Variants in HTR1E observed in about 807,000 individuals in gnomAD.
HTR1E encodes the protein 5-hydroxytryptamine receptor 1E.
A neutral mutation model predicts 3.4 loss-of-function variants in HTR1E; 3 were observed. The observed-to-expected ratio is 0.89, with a 90% confidence interval of 0.41 to 2.31. The LOEUF is 2.31. Among genes scored for constraint, HTR1E ranks in the 30% most tolerant of loss-of-function variants. The pLI, the probability that HTR1E is intolerant of heterozygous loss-of-function variation, is 0.05. For missense variants in HTR1E, 392 were observed against 467.0 expected (o/e 0.84, Z 1.48); for synonymous variants, 170 against 182.8 (o/e 0.93, Z 0.56).
intron 1 of HTR1E, among the ~76,000 whole-genome samples, chr6:86,962,545 A>G (rs1767423549): frequency 6.6e-6 from 1 of 152,204 alleles, no homozygotes; most frequent in East Asian, 1.9e-4. Context: ...GTCATATGAA[A>G]GCATATCACA....
intron 1 of HTR1E, among the ~76,000 whole-genome samples, chr6:86,995,450 G>A (rs1269517474): frequency 6.6e-6 from 1 of 151,592 alleles, no homozygotes; most frequent in Middle Eastern, 3.2e-3. Context: ...CGGATCACCT[G>A]AGGTCAGGAG....
intron 1 of HTR1E, among the ~76,000 whole-genome samples, chr6:86,950,423 G>A (rs1367896814): frequency 6.6e-6 from 1 of 152,144 alleles, no homozygotes; most frequent in Non-Finnish European, 1.5e-5. Flanking sequence ...TGGCCTTAGG[G>A]GAATGGGTGG....
chr6:87,002,026 G>C (rs1489066420), intron 1 of HTR1E, among the ~76,000 whole-genome samples: 1 of 152,138 alleles, frequency 6.6e-6, no homozygotes, highest in East Asian at 1.9e-4. Flanking sequence ...GACAAAGAAG[G>C]TCATTATATA....
chr6:86,977,467 T>C (rs1164914549), intron 1 of HTR1E, among the ~76,000 whole-genome samples: 1 of 152,216 alleles, frequency 6.6e-6, no homozygotes, highest in Non-Finnish European at 1.5e-5. Flanking sequence ...ATGTCTTTGT[T>C]ATTGTGAATA....
At chr6:86,975,076 T>TA (rs1205273524) in intron 1 of HTR1E, among the ~76,000 whole-genome samples, 2 of 152,218 alleles carry the variant, frequency 1.3e-5, no homozygotes, top group East Asian at 3.8e-4. Context: ...GGGGTGGTAC[T>TA]GCTCCGAAGA....
intron 1 of HTR1E, among the ~76,000 whole-genome samples, chr6:86,961,414 C>T (rs1232748861): frequency 6.6e-6 from 1 of 152,198 alleles, no homozygotes; most frequent in Non-Finnish European, 1.5e-5. Context: ...CCCATTCTTA[C>T]ACATCCCATT....
At chr6:86,966,164 C>A (rs770384790) in intron 1 of HTR1E, among the ~76,000 whole-genome samples, 3 of 151,454 alleles carry the variant, frequency 2.0e-5, no homozygotes, top group Non-Finnish European at 4.4e-5. Flanking sequence ...AAAATGAATA[C>A]AGGATCTGGG....
At chr6:86,999,214 G>A (rs1354975260) in intron 1 of HTR1E, among the ~76,000 whole-genome samples, 2 of 151,970 alleles carry the variant, frequency 1.3e-5, no homozygotes, top group African/African-American at 2.4e-5. Context: ...TGCCCACCTC[G>A]GCCTCCCAAA....
Position 87,015,545 on chromosome 6 carries a change from G to A in HTR1E, c.211G>A (p.Val71Met). ...TTCTCTGGCCGTGACGGACCTCCTGGTGGCAGTGCTCGTCATGCCCCTGAG... is the reference window on the plus strand; with the variant it reads ...TTCTCTGGCCGTGACGGACCTCCTGATGGCAGTGCTCGTCATGCCCCTGAG... The part of the protein sequence containing the change: ...ICSLAVTDLL[V>M]AVLVMPLSII... The change falls in exon 2 of 2, where the codon GTG becomes ATG. Residue 71 changes from valine (V) to methionine (M), a missense_variant. Transcript: ENST00000305344. 1.2e-6 allele frequency: 2 copies of A among 1,612,704 alleles called. No individual in the cohort carries two copies. The highest frequency in any genetic ancestry group is 1.7e-6 in the Non-Finnish European group (2 of 1,179,044).
At chr6:86,973,012 T>A (rs1180171691) in intron 1 of HTR1E, among the ~76,000 whole-genome samples, 1 of 152,218 alleles carries the variant, frequency 6.6e-6, no homozygotes, top group Admixed American at 6.5e-5. Context: ...CTACCACTGC[T>A]GTTTCTAGTT....
intron 1 of HTR1E, among the ~76,000 whole-genome samples, chr6:86,958,860 CAG>C (rs1767361603): frequency 6.6e-6 from 1 of 151,922 alleles, no homozygotes; most frequent in South Asian, 2.1e-4. Flanking sequence ...GTCTACCAAC[CAG>C]ATATTGGCCC....
In HTR1E at chr6:86,967,645, A is replaced by T. The variant is rs113287375; in HGVS notation, c.-186+29822A>T. ...AGAGAGGAAAGCTTAGGATCAGGGA[A>T]ATTTATTTTTCTACTCCAACATTTC... is the stretch of plus-strand genomic sequence containing the variant. On this transcript the variant is annotated intron_variant, in intron 1 of 1. Transcript: ENST00000305344. 1.8e-3 allele frequency among the ~76,000 whole-genome samples: 279 copies of T among 152,292 alleles called. 2 individuals carry two copies. The highest frequency in any genetic ancestry group is 0.01 in the Middle Eastern group (3 of 294).
At chr6:87,005,410 A>T (rs1228629547) in intron 1 of HTR1E, among the ~76,000 whole-genome samples, 1 of 152,202 alleles carries the variant, frequency 6.6e-6, no homozygotes. Context: ...AATGAAACAA[A>T]ATAGAAAACC....
At chr6:87,014,436 C>T (rs1768285395) in intron 1 of HTR1E, among the ~76,000 whole-genome samples, 1 of 152,006 alleles carries the variant, frequency 6.6e-6, no homozygotes, top group Admixed American at 6.6e-5. Context: ...TAACATTTGA[C>T]TCAGCAATCC....
At chr6:86,976,065 C>T (rs1044466898) in intron 1 of HTR1E, among the ~76,000 whole-genome samples, 1 of 151,976 alleles carries the variant, frequency 6.6e-6, no homozygotes, top group Non-Finnish European at 1.5e-5. Context: ...TGGAAAACAC[C>T]GCCTATTGTA....
chr6:86,983,493 G>A (rs1007514814), intron 1 of HTR1E, among the ~76,000 whole-genome samples: 1 of 152,098 alleles, frequency 6.6e-6, no homozygotes, highest in Non-Finnish European at 1.5e-5. Context: ...TGAATAAAAT[G>A]GTGGTTCCCA....
intron 1 of HTR1E, among the ~76,000 whole-genome samples, chr6:86,958,309 T>C (rs1767354211): frequency 6.6e-6 from 1 of 152,070 alleles, no homozygotes. Context: ...CTGCCCACCT[T>C]GGCCTCAATA....
intron 1 of HTR1E, among the ~76,000 whole-genome samples, chr6:86,983,658 G>T (rs1208333113): frequency 6.6e-6 from 1 of 152,130 alleles, no homozygotes; most frequent in African/African-American, 2.4e-5. Flanking sequence ...AGCTAGAAGA[G>T]AAGATTTGGA....
In HTR1E at chr6:87,016,213, G is replaced by T. The variant is rs1245762098; in HGVS notation, c.879G>T (p.Leu293=). The change falls in exon 2 of 2, where the codon CTG becomes CTT. Residue 293 remains leucine (L), a synonymous_variant. Coordinates refer to ENST00000305344, the MANE Select transcript of HTR1E (RefSeq NM_000865.3). ...GGGAACGGAAGGCAGCACGCATCCT[G>T]GGGCTGATTCTGGGTGCATTCATTT... ...STRERKAARI[L]GLILGAFILS... is the part of the protein sequence containing the mutation. 6.2e-7 allele frequency: 1 copy of T among 1,614,108 alleles called. No individual in the cohort carries two copies.
Sources: gnomAD v4.1 joint callset for allele counts (sites outside exome capture counted in the v4.1 genomes callset) on GRCh38, gnomAD v4.1.1 for gene constraint, MANE v1.5 for transcripts, NCBI Gene and HGNC (gene_info 2026-07-23, HGNC 2026-07-21) for gene names.